Variants in AGBL4 observed in about 807,000 individuals in gnomAD.
AGBL4 encodes the protein AGBL carboxypeptidase 4, also known as cytosolic carboxypeptidase 6.
AGBL4 carries 58 observed loss-of-function variants against 66.4 expected under a neutral mutation model. The observed-to-expected ratio is 0.87, with a 90% CI of 0.71 to 1.09. The LOEUF is 1.09. Ranked by LOEUF, AGBL4 falls within the 50% of genes least tolerant of loss-of-function variation. AGBL4 has a pLI of 0.00. For synonymous variants in AGBL4, 234 were observed against 222.9 expected (o/e 1.05, Z -0.44); for missense variants, 579 against 631.0 (o/e 0.92, Z 0.88).
intron 1 of AGBL4, among the ~76,000 whole-genome samples, chr1:49,889,808 C>T (rs949470225): frequency 6.6e-6 from 1 of 151,766 alleles, no homozygotes; most frequent in East Asian, 1.9e-4. Flanking sequence ...TTAAACTTCA[C>T]AACAGATAAT....
intron 5 of AGBL4, among the ~76,000 whole-genome samples, chr1:48,868,558 G>T (rs1053040813): frequency 6.6e-6 from 1 of 152,056 alleles, no homozygotes; most frequent in East Asian, 1.9e-4. Context: ...CCAAAATATG[G>T]CAATGAATAT....
intron 3 of AGBL4, among the ~76,000 whole-genome samples, chr1:49,512,549 C>T (rs575790378): frequency 2.0e-5 from 3 of 151,758 alleles, no homozygotes; most frequent in Admixed American, 6.6e-5. Context: ...TCCTGCCACC[C>T]CCCCTCTTTC....
intron 3 of AGBL4, among the ~76,000 whole-genome samples, chr1:49,468,139 T>C (rs1237854656): frequency 6.6e-6 from 1 of 151,832 alleles, no homozygotes; most frequent in African/African-American, 2.4e-5. Flanking sequence ...TATACACAGA[T>C]TGTTTTCAAT....
intron 6 of AGBL4, among the ~76,000 whole-genome samples, chr1:48,832,192 A>G (rs1232021168): frequency 6.6e-6 from 1 of 152,144 alleles, no homozygotes; most frequent in Non-Finnish European, 1.5e-5. Flanking sequence ...TGGTTGGGGA[A>G]ACACTGGAAA....
At chr1:49,349,226 C>T (rs995152212) in intron 3 of AGBL4, among the ~76,000 whole-genome samples, 1 of 152,166 alleles carries the variant, frequency 6.6e-6, no homozygotes, top group Non-Finnish European at 1.5e-5. Context: ...ATATTTAGAA[C>T]TATGGGGCAT....
chr1:49,618,657 A>G (rs948352661), intron 3 of AGBL4, among the ~76,000 whole-genome samples: 11 of 152,242 alleles, frequency 7.2e-5, no homozygotes, highest in Non-Finnish European at 1.3e-4. Context: ...TGGCAGAGAC[A>G]CAACAACAAA....
chr1:48,555,869 T>G (rs1188129587), intron 11 of AGBL4, among the ~76,000 whole-genome samples: 2 of 152,156 alleles, frequency 1.3e-5, no homozygotes, highest in African/African-American at 2.4e-5. Flanking sequence ...CAGAGGTGAC[T>G]GGACTAGGAA....
intron 5 of AGBL4, among the ~76,000 whole-genome samples, chr1:48,924,317 T>C (rs1654341665): frequency 6.6e-6 from 1 of 150,556 alleles, no homozygotes; most frequent in East Asian, 1.9e-4. Flanking sequence ...AATAAATAAA[T>C]AGGCTTATGC....
chr1:49,943,073 A>G (rs1571922748), intron 1 of AGBL4, among the ~76,000 whole-genome samples: 1 of 152,328 alleles, frequency 6.6e-6, no homozygotes, highest in African/African-American at 2.4e-5. Context: ...GGTGCTCAAC[A>G]TCACTAATCA....
At chr1:49,936,268 A>T (rs371724629) in intron 1 of AGBL4, among the ~76,000 whole-genome samples, 1 of 152,176 alleles carries the variant, frequency 6.6e-6, no homozygotes, top group Non-Finnish European at 1.5e-5. Flanking sequence ...GAAATGAAGC[A>T]AGAAGGGAAG....
chr1:49,308,301 A>G (rs1262573999), intron 3 of AGBL4, among the ~76,000 whole-genome samples: 1 of 152,186 alleles, frequency 6.6e-6, no homozygotes, highest in Non-Finnish European at 1.5e-5. Flanking sequence ...TGATTGTACT[A>G]TATACAAATC....
chr1:49,091,883 C>A (rs1440250334), intron 4 of AGBL4, among the ~76,000 whole-genome samples: 1 of 152,078 alleles, frequency 6.6e-6, no homozygotes, highest in Non-Finnish European at 1.5e-5. Context: ...TTTGCAGCAA[C>A]ATGGATGGAG....
chr1:49,101,028 CAG>C (rs1645191210), intron 4 of AGBL4, among the ~76,000 whole-genome samples: 1 of 152,042 alleles, frequency 6.6e-6, no homozygotes, highest in Non-Finnish European at 1.5e-5. Flanking sequence ...GGTTCCAGGG[CAG>C]AGTTTCTTAT....
intron 1 of AGBL4, among the ~76,000 whole-genome samples, chr1:50,021,207 C>T (rs1301154831): frequency 1.3e-5 from 2 of 152,138 alleles, no homozygotes; most frequent in East Asian, 1.9e-4. Flanking sequence ...TAGCTGTGCT[C>T]TAATCTCTCC....
chr1:49,167,963 T>C lies in AGBL4; in HGVS notation c.377+77807A>G, dbSNP rs181796573. ...AACAATAATATAATTCTATTAAAAATATAGTATAACAACTATTTACATAGC... is the reference window on the plus strand; with the variant it reads ...AACAATAATATAATTCTATTAAAAACATAGTATAACAACTATTTACATAGC... On this transcript the variant is annotated intron_variant, in intron 4 of 13. Coordinates refer to ENST00000371839, the MANE Select transcript of AGBL4 (RefSeq NM_032785.4). Among the ~76,000 whole-genome samples, 52 of 152,314 alleles carry C rather than the reference T, an allele frequency of 3.4e-4. No individual in the cohort carries two copies. In the East Asian group the frequency reaches 9.2e-3, roughly 27 times the overall value.
At chr1:49,186,290 C>T (rs144188227) in intron 4 of AGBL4, among the ~76,000 whole-genome samples, 7 of 152,236 alleles carry the variant, frequency 4.6e-5, no homozygotes, top group Non-Finnish European at 7.4e-5. Context: ...TTCTTCAAGG[C>T]CAATCTCAAA....
At chr1:49,556,148 G>C (rs1216087098) in intron 3 of AGBL4, among the ~76,000 whole-genome samples, 1 of 152,146 alleles carries the variant, frequency 6.6e-6, no homozygotes, top group East Asian at 1.9e-4. Flanking sequence ...AACAATTATA[G>C]ACTGGATTAA....
At chr1:48,747,479 C>T (rs887202721) in intron 6 of AGBL4, among the ~76,000 whole-genome samples, 3 of 152,194 alleles carry the variant, frequency 2.0e-5, no homozygotes, top group Non-Finnish European at 4.4e-5. Context: ...ACTGGGGACC[C>T]AGAGACAAAG....
At chr1:49,076,700 G>C (rs145042598) in intron 4 of AGBL4, among the ~76,000 whole-genome samples, 1 of 152,274 alleles carries the variant, frequency 6.6e-6, no homozygotes, top group African/African-American at 2.4e-5. Context: ...GATGGGAAAA[G>C]ACTCCCATAT....
Sources: gnomAD v4.1 joint callset for allele counts (sites outside exome capture counted in the v4.1 genomes callset) on GRCh38, gnomAD v4.1.1 for gene constraint, MANE v1.5 for transcripts, NCBI Gene and HGNC (gene_info 2026-07-23, HGNC 2026-07-21) for gene names.